Variants in PILRA observed in about 807,000 individuals in gnomAD.
The protein encoded by PILRA is paired immunoglobin like type 2 receptor alpha.
PILRA carries 37 observed loss-of-function variants against 33.1 expected under a neutral mutation model. The observed-to-expected ratio is 1.12, with a 90% CI of 0.86 to 1.47. PILRA has a LOEUF of 1.47. Among genes scored for constraint, PILRA ranks in the 40% most tolerant of loss-of-function variants. The pLI, the probability that PILRA is intolerant of heterozygous loss-of-function variation, is 0.00. For synonymous variants in PILRA, 146 were observed against 149.9 expected, an observed-to-expected ratio of 0.97 and a Z score of 0.19; for missense variants, 312 against 376.2, an observed-to-expected ratio of 0.83 and a Z score of 1.41.
chr7:100,373,247 G>A (rs907405115), upstream of PILRA, among the ~76,000 whole-genome samples: 2 of 152,138 alleles, frequency 1.3e-5, no homozygotes, highest in Non-Finnish European at 2.9e-5. Context: ...AAGAGCCTGC[G>A]CTGGCCCTGG....
chr7:100,373,767 G>A, intron 1 of PILRA, 47 bp downstream of exon 1: 1 of 1,606,790 alleles, frequency 6.2e-7, no homozygotes, highest in Middle Eastern at 1.7e-4. Flanking sequence ...CAAACCACAG[G>A]AGGGGCCAAC....
chr7:100,399,848 A>G lies in PILRA; in HGVS notation c.853A>G (p.Ser285Gly). The G allele has an allele frequency of 1.2e-6, 2 of 1,613,704 alleles. No homozygotes were observed. Among genetic ancestry groups the G allele is most frequent in the Non-Finnish European group, 1.7e-6 (2 of 1,179,828 alleles). ...SSSTSPRAPP[S>G]HRPLKSPQNE... ...CTCCACCTCACCCAGAGCACCTCCC[A>G]GCCACCGTCCCCTCAAGAGCCCCCA... Residue 285 changes from serine (S) to glycine (G), a missense_variant, in exon 7 of 7, where the codon AGC becomes GGC. Ser to Gly is a moderately conservative substitution (Grantham distance 56). Transcript: ENST00000198536.
intron 2 of PILRA, among the ~76,000 whole-genome samples, chr7:100,385,447 A>G (rs534963055): frequency 2.0e-5 from 3 of 152,328 alleles, no homozygotes; most frequent in Admixed American, 2.0e-4. Flanking sequence ...AAAATGTAAC[A>G]TTCACCTAAT....
chr7:100,385,938 T>C (rs1410765310), intron 2 of PILRA, among the ~76,000 whole-genome samples: 1 of 151,134 alleles, frequency 6.6e-6, no homozygotes, highest in Non-Finnish European at 1.5e-5. Context: ...CTATGTCTTT[T>C]TTTTTTTTTG....
At chr7:100,379,866 T>C (rs1301318019) in intron 2 of PILRA, among the ~76,000 whole-genome samples, 5 of 152,072 alleles carry the variant, frequency 3.3e-5, no homozygotes, top group Non-Finnish European at 4.4e-5. Flanking sequence ...AACAGACTAA[T>C]GGAATTGGTT....
chr7:100,374,297 G>A lies in PILRA; in HGVS notation c.318G>A (p.Lys106=), dbSNP rs1238156799. ...RLFLNWTEGQ[K]SGFLRISNLQ... is the part of the protein sequence containing the mutation. ...TTCTGAACTGGACAGAGGGTCAGAA[G>A]AGCGGCTTCCTCAGGATCTCCAACC... The change falls in exon 2 of 7, where the codon AAG becomes AAA. Residue 106 remains lysine (K), a synonymous_variant. Transcript: ENST00000198536. 6.2e-7 allele frequency: 1 copy of A among 1,614,170 alleles called. No homozygotes were observed. Among genetic ancestry groups the A allele is most frequent in the South Asian group, 1.1e-5 (1 of 91,086 alleles).
upstream of PILRA, among the ~76,000 whole-genome samples, chr7:100,371,691 TGCCCTCCTCCAG>T (rs2130143324): frequency 6.6e-6 from 1 of 152,288 alleles, no homozygotes; most frequent in South Asian, 2.1e-4. Flanking sequence ...ATTGGAATCA[TGCCCTCCTCCAG>T]GCCCTCCTCC....
intron 2 of PILRA, among the ~76,000 whole-genome samples, chr7:100,383,847 G>A (rs1482249482): frequency 6.6e-6 from 1 of 152,126 alleles, no homozygotes; most frequent in Non-Finnish European, 1.5e-5. Context: ...ATGTTGGCCA[G>A]GCTGGTCTCG....
At chr7:100,376,900 T>C (rs1251414659) in intron 2 of PILRA, among the ~76,000 whole-genome samples, 1 of 150,848 alleles carries the variant, frequency 6.6e-6, no homozygotes, top group Non-Finnish European at 1.5e-5. Context: ...TAGCTGGGAC[T>C]ACAAGCACGC....
In PILRA at chr7:100,374,448, C is replaced by T; in HGVS notation, c.454+15C>T. 6.2e-7 allele frequency: 1 copy of T among 1,613,566 alleles called. No homozygotes were observed. The highest frequency in any genetic ancestry group is 2.2e-5 in the East Asian group (1 of 44,876). Reference sequence around the variant, plus strand: ...CATCACCCAGGGTGAGTCCAGCTGCCCTGGCACCCGCTTTGCCCACCGCAG... The same window carrying T: ...CATCACCCAGGGTGAGTCCAGCTGCTCTGGCACCCGCTTTGCCCACCGCAG... On this transcript the variant is annotated intron_variant, in intron 2 of 6. Transcript: ENST00000198536.
At chr7:100,388,839 T>C (rs1791314958) in intron 2 of PILRA, among the ~76,000 whole-genome samples, 1 of 149,390 alleles carries the variant, frequency 6.7e-6, no homozygotes, top group African/African-American at 2.5e-5. Context: ...GTCAAACTCA[T>C]GGAGACAGAA....
intron 2 of PILRA, among the ~76,000 whole-genome samples, chr7:100,381,426 C>G (rs1379504113): frequency 9.0e-6 from 1 of 111,008 alleles, no homozygotes; most frequent in Non-Finnish European, 1.7e-5. Flanking sequence ...GCCTGGGTGA[C>G]AGAGTGAGAT....
intron 3 of PILRA, among the ~76,000 whole-genome samples, chr7:100,397,190 A>AGAGGGTGGGTTCAG (rs199864062): frequency 0.032 from 4,761 of 149,310 alleles, 269 homozygotes; most frequent in African/African-American, 0.11. Flanking sequence ...GGGGTACCTC[A>AGAGGGTGGGTTCAG]AGGCCTGGGT....
chr7:100,389,887 G>C lies in PILRA; in HGVS notation c.455-1G>C, dbSNP rs1012243284. 1 of 1,613,452 alleles carries C rather than the reference G, an allele frequency of 6.2e-7. No homozygotes were observed. Among genetic ancestry groups the C allele is most frequent in the Non-Finnish European group, 8.5e-7 (1 of 1,179,726 alleles). On this transcript the variant is annotated splice_acceptor_variant, in intron 2 of 6. Transcript: ENST00000198536. LOFTEE classifies it high-confidence loss of function. Reference sequence around the variant, plus strand: ...TCTGCTCATTCCTCATCTCTCCCCAGCTGTCACGACCACCACCCAGAGGCC... The same window carrying C: ...TCTGCTCATTCCTCATCTCTCCCCACCTGTCACGACCACCACCCAGAGGCC...
intron 1 of PILRA, 59 bp from the exon 2 acceptor site, chr7:100,373,985 T>G (rs1341275610): frequency 5.1e-6 from 8 of 1,581,858 alleles, no homozygotes; most frequent in Non-Finnish European, 6.9e-6. Flanking sequence ...GGGGTCACCC[T>G]CTTTGTGTCT....
intron 2 of PILRA, among the ~76,000 whole-genome samples, chr7:100,381,686 C>G (rs922381375): frequency 1.3e-5 from 2 of 152,172 alleles, no homozygotes; most frequent in African/African-American, 4.8e-5. Flanking sequence ...CTGGGATGGC[C>G]GAGGCCAGAG....
intron 6 of PILRA, 63 bp from the exon 7 acceptor site, chr7:100,399,722 C>T: frequency 6.2e-7 from 1 of 1,611,330 alleles, no homozygotes; most frequent in Middle Eastern, 1.7e-4. Flanking sequence ...TGTAGGCTTG[C>T]CGCTAAGATG....
intron 2 of PILRA, among the ~76,000 whole-genome samples, chr7:100,386,468 C>T (rs1256120790): frequency 2.6e-5 from 4 of 151,784 alleles, no homozygotes; most frequent in Non-Finnish European, 5.9e-5. Flanking sequence ...TGTACCACTG[C>T]ACTTTGTTGT....
intron 1 of PILRA, 127 bp downstream of exon 1, chr7:100,373,847 C>A: frequency 1.5e-6 from 2 of 1,352,500 alleles, no homozygotes; most frequent in Non-Finnish European, 2.1e-6. Flanking sequence ...GCGGGTCCCA[C>A]AGGGGCGGGT....
Sources: gnomAD v4.1 joint callset for allele counts (sites outside exome capture counted in the v4.1 genomes callset) on GRCh38, gnomAD v4.1.1 for gene constraint, MANE v1.5 for transcripts, NCBI Gene and HGNC (gene_info 2026-07-23, HGNC 2026-07-21) for gene names.